Variants in AP3M2 observed in about 807,000 individuals in gnomAD.
AP3M2 encodes the protein adaptor related protein complex 3 subunit mu 2, also known as AP-3 complex subunit mu-2.
In AP3M2, 28 loss-of-function variants were observed where a neutral mutation model predicts 41.6. The observed-to-expected ratio is 0.67, with a 90% confidence interval of 0.50 to 0.92. The LOEUF (loss-of-function observed/expected upper bound fraction) is 0.92. Ranked by LOEUF, AP3M2 falls within the 40% of genes least tolerant of loss-of-function variation. The pLI is 0.00. For missense variants in AP3M2, 427 were observed against 521.4 expected (o/e 0.82, Z 1.76); for synonymous variants, 193 against 186.4 (o/e 1.04, Z -0.29).
chr8:42,168,940 C>G, intron 8 of AP3M2, 21 bp from the exon 9 acceptor site: 2 of 1,556,988 alleles, frequency 1.3e-6, no homozygotes, highest in Non-Finnish European at 8.8e-7. Flanking sequence ...TGTCTATTTT[C>G]CCTCTCTCCC....
chr8:42,161,054 A>G (rs1486283461), intron 3 of AP3M2, among the ~76,000 whole-genome samples: 1 of 152,208 alleles, frequency 6.6e-6, no homozygotes, highest in Admixed American at 6.5e-5. Flanking sequence ...CCTGTATCCA[A>G]TACTTTAGGA....
rs140456285 is a variant in AP3M2 at position 42,154,717 on chromosome 8, C to T, written c.30C>T (p.Ser10=). MIHSLFLIN[S]SGDIFLEKHW... is the part of the protein sequence containing the mutation. ...TCCATAGTCTTTTCTTGATCAACTC[C>T]TCTGGAGACATTTTCCTGGAGAAAC... is the stretch of plus-strand genomic sequence containing the variant. The change falls in exon 2 of 9, where the codon TCC becomes TCT. Residue 10 remains serine, a synonymous_variant. Coordinates refer to ENST00000396926, the MANE Select transcript of AP3M2 (RefSeq NM_006803.4). The T allele has an allele frequency of 5.8e-5, 94 of 1,614,150 alleles. No individual in the cohort carries two copies. In the East Asian group the frequency reaches 1.8e-3, roughly 31 times the overall value.
rs769436022 is a variant in AP3M2 at position 42,167,253 on chromosome 8, A to G, written c.893A>G (p.Lys298Arg). 6.2e-7 allele frequency: 1 copy of G among 1,614,106 alleles called. No homozygotes were observed. The highest frequency in any genetic ancestry group is 8.5e-7 in the Non-Finnish European group (1 of 1,180,016). ...CGCTTTGAAATAACGGTGGGACCCAAGCAGACGATGGGGAAGACCATTGAG... is the reference window on the plus strand; with the variant it reads ...CGCTTTGAAATAACGGTGGGACCCAGGCAGACGATGGGGAAGACCATTGAG... Reference protein sequence around the residue: ...LGRFEITVGPKQTMGKTIEGV... With the variant: ...LGRFEITVGPRQTMGKTIEGV... The change falls in exon 7 of 9, where the codon AAG (lysine) becomes AGG (arginine). Residue 298 changes from lysine (K) to arginine (R), a missense_variant. By Grantham distance (26) the Lys-to-Arg change is conservative. Transcript: ENST00000396926.
At chr8:42,154,252 C>CA (rs1232254032) in intron 1 of AP3M2, 3 of 174,124 alleles carry the variant, frequency 1.7e-5, no homozygotes, top group Admixed American at 1.1e-4. Context: ...ACATCAAATT[C>CA]AGTGTTCTTG....
chr8:42,158,897 G>A (rs1055000677), intron 3 of AP3M2, among the ~76,000 whole-genome samples: 3 of 151,704 alleles, frequency 2.0e-5, no homozygotes, highest in East Asian at 1.9e-4. Flanking sequence ...AGGCTCAAGC[G>A]ATTCTCCTAC....
chr8:42,166,591 C>CCA (rs1804642494), intron 6 of AP3M2, among the ~76,000 whole-genome samples: 1 of 77,056 alleles, frequency 1.3e-5, no homozygotes, highest in South Asian at 4.7e-4. Flanking sequence ...CTTGTCTCTA[C>CCA]AAAAAAAAAA....
At chr8:42,167,096 C>A in intron 6 of AP3M2, 68 bp from the exon 7 acceptor site, 2 of 1,404,400 alleles carry the variant, frequency 1.4e-6, no homozygotes, top group African/African-American at 1.4e-5. Context: ...GAAAAAGCAT[C>A]ATGTGAAAGG....
At chr8:42,157,478 C>T (rs13277203) in intron 2 of AP3M2, among the ~76,000 whole-genome samples, 33,632 of 152,158 alleles carry the variant, frequency 0.22, 4,592 homozygotes, top group Admixed American at 0.3. Flanking sequence ...GGTGTGCTAG[C>T]TTGTCCCCTT....
At position 42,162,437 on chromosome 8, in the gene AP3M2, TTC is replaced by T; in HGVS notation, c.583+22_583+23del. On this transcript the variant is annotated intron_variant, in intron 4 of 8. Coordinates refer to ENST00000396926, the MANE Select transcript of AP3M2 (RefSeq NM_006803.4). ...AAATCAGGTAGGTGCTTTTAATATGTTCTCAGAAATATGAAAATAGAAAGGGA... is the reference window on the plus strand; with the variant it reads ...AAATCAGGTAGGTGCTTTTAATATGTTCAGAAATATGAAAATAGAAAGGGA... The T allele has an allele frequency of 1.3e-6, 2 of 1,583,374 alleles. No homozygotes were observed. The highest frequency in any genetic ancestry group is 2.7e-5 in the African/African-American group (2 of 73,418).
intron 6 of AP3M2, 96 bp from the exon 7 acceptor site, chr8:42,167,068 G>A (rs1804657825): frequency 1.9e-6 from 2 of 1,042,134 alleles, no homozygotes; most frequent in Non-Finnish European, 3.0e-6. Context: ...TAAGGGAGAA[G>A]AAGCTACCCA....
intron 7 of AP3M2, 56 bp downstream of exon 7, chr8:42,167,427 G>C: frequency 6.3e-7 from 1 of 1,587,632 alleles, no homozygotes; most frequent in Non-Finnish European, 8.6e-7. Context: ...CCAGTCTGCA[G>C]GTTCTCTGTG....
At chr8:42,160,609 G>A (rs565514432) in intron 3 of AP3M2, among the ~76,000 whole-genome samples, 11 of 152,224 alleles carry the variant, frequency 7.2e-5, no homozygotes, top group African/African-American at 2.2e-4. Context: ...TCTAGTTTGT[G>A]ATTTTATTTT....
At chr8:42,166,963 A>G in intron 6 of AP3M2, 1 of 574,568 alleles carries the variant, frequency 1.7e-6, no homozygotes, top group Non-Finnish European at 3.1e-6. Flanking sequence ...AGAAAAGTTA[A>G]TTTAGTTACT....
intron 6 of AP3M2, 62 bp from the exon 7 acceptor site, chr8:42,167,102 A>G: frequency 6.8e-7 from 1 of 1,470,490 alleles, no homozygotes; most frequent in South Asian, 1.1e-5. Flanking sequence ...GCATCATGTG[A>G]AAGGAAGAAC....
chr8:42,163,636 A>C (rs898832129), intron 4 of AP3M2, among the ~76,000 whole-genome samples: 1 of 152,226 alleles, frequency 6.6e-6, no homozygotes, highest in Non-Finnish European at 1.5e-5. Flanking sequence ...AATCAGATGC[A>C]TAAGATTATA....
In AP3M2 at chr8:42,158,253, T is replaced by G. The variant is rs565912988; in HGVS notation, c.445+141T>G. The G allele has an allele frequency of 2.9e-4, 219 of 750,080 alleles. No homozygotes were observed. The African/African-American group carries it at 3.5e-3, about 12-fold the overall frequency. The allele number at this position is 750,080 out of a possible 1,614,324, so 46.5% of individuals were successfully genotyped here. A position where few individuals can be genotyped will look rare whatever the true frequency, so the allele number is the denominator to read the frequency against. On this transcript the variant is annotated intron_variant, in intron 3 of 8. Transcript: ENST00000396926. ...TTTAATTTTGCTCTTTGTAGTTGTT[T>G]TTTTTTTTTTTTTGAGACAGAGTCT...
chr8:42,164,798 A>G (rs1010131302), intron 4 of AP3M2, among the ~76,000 whole-genome samples: 1 of 152,250 alleles, frequency 6.6e-6, no homozygotes, highest in Non-Finnish European at 1.5e-5. Context: ...CCTTTAGGCT[A>G]ATAACTACTT....
intron 4 of AP3M2, among the ~76,000 whole-genome samples, 156 bp downstream of exon 4, chr8:42,162,574 C>G (rs1804534415): frequency 6.6e-6 from 1 of 151,990 alleles, no homozygotes. Flanking sequence ...TGGGAATGGA[C>G]GTTAATATTA....
chr8:42,158,947 C>T (rs1186599448), intron 3 of AP3M2, among the ~76,000 whole-genome samples: 1 of 152,106 alleles, frequency 6.6e-6, no homozygotes, highest in African/African-American at 2.4e-5. Flanking sequence ...GCACACGCCA[C>T]CATGCCCAGC....
Sources: allele counts gnomAD v4.1 joint callset (sites outside exome capture counted in the v4.1 genomes callset), GRCh38; gene constraint gnomAD v4.1.1; transcripts MANE v1.5; gene names NCBI Gene and HGNC (gene_info 2026-07-23, HGNC 2026-07-21).